The following ELMO2 variants were observed in gnomAD, a reference collection of about 807,000 sequenced individuals.
ELMO2 encodes engulfment and cell motility 2.
Under a neutral mutation model 96.2 loss-of-function variants are expected in ELMO2, and 37 were observed. The observed-to-expected ratio is 0.38, with a 90% CI of 0.30 to 0.51. The LOEUF (loss-of-function observed/expected upper bound fraction) is 0.51, where lower values mean the gene tolerates loss of function less well. Ranked by LOEUF, ELMO2 falls within the 20% of genes least tolerant of loss-of-function variation. ELMO2 has a pLI of 0.88. For synonymous variants in ELMO2, 315 were observed against 329.4 expected, an observed-to-expected ratio of 0.96 and a Z score of 0.47; for missense variants, 561 against 912.6, an observed-to-expected ratio of 0.61 and a Z score of 4.96.
chr20:46,372,995 A>G (rs2145769657), intron 16 of ELMO2: 1 of 162,244 alleles, frequency 6.2e-6, no homozygotes, highest in Non-Finnish European at 1.3e-5. Flanking sequence ...AGGGATAACT[A>G]TCGATTAAGT....
intron 7 of ELMO2, among the ~76,000 whole-genome samples, chr20:46,388,696 C>T (rs2060093812): frequency 6.6e-6 from 1 of 152,116 alleles, no homozygotes; most frequent in African/African-American, 2.4e-5. Flanking sequence ...GGACCATCTG[C>T]TCACTAACCC....
At chr20:46,400,630 T>A (rs975425888) in intron 1 of ELMO2, among the ~76,000 whole-genome samples, 3 of 152,334 alleles carry the variant, frequency 2.0e-5, no homozygotes, top group Non-Finnish European at 4.4e-5. Flanking sequence ...GATATAAGGA[T>A]GATTTGGAAA....
At chr20:46,398,824 T>G (rs538084175) in intron 1 of ELMO2, 53 bp from the exon 2 acceptor site, 1 of 152,250 alleles carries the variant, frequency 6.6e-6, no homozygotes, top group East Asian at 1.9e-4. Flanking sequence ...GAAATAAAAC[T>G]AAATCAACCC....
At position 46,376,798 on chromosome 20, in the gene ELMO2, AC is replaced by A. The variant is rs2059868117; in HGVS notation, c.808-1009del. The A allele has an allele frequency of 3.1e-6, 4 of 1,288,690 alleles. No homozygotes were observed. In the Admixed American group the frequency reaches 9.2e-5, roughly 30 times the overall value. The allele number at this position is 1,288,690 out of a possible 1,614,324, so 79.8% of individuals were successfully genotyped here. A position where few individuals can be genotyped will look rare whatever the true frequency, so the allele number is the denominator to read the frequency against. On this transcript the variant is annotated intron_variant, in intron 11 of 21. Coordinates refer to ENST00000290246, the MANE Select transcript of ELMO2 (RefSeq NM_133171.5). ...CACCACTATGTCCTTCAATTTCCCT[AC>A]TCAGTAGCTCTGTCTCTAGGGCTGT...
At chr20:46,396,228 A>G (rs1325783219) in intron 2 of ELMO2, among the ~76,000 whole-genome samples, 1 of 152,226 alleles carries the variant, frequency 6.6e-6, no homozygotes, top group Non-Finnish European at 1.5e-5. Context: ...AGTTACAGCA[A>G]GACAGGGAGT....
chr20:46,367,820 C>G (rs551056779), intron 21 of ELMO2, among the ~76,000 whole-genome samples: 1 of 152,050 alleles, frequency 6.6e-6, no homozygotes, highest in East Asian at 1.9e-4. Flanking sequence ...TAAACGAATA[C>G]AGCAAAATGA....
chr20:46,393,637 A>G (rs1420442204), intron 4 of ELMO2, 36 bp from the exon 5 acceptor site: 7 of 1,605,706 alleles, frequency 4.4e-6, no homozygotes, highest in Non-Finnish European at 6.0e-6. Context: ...CCACTTGGCC[A>G]CTCTCTTGTT....
intron 3 of ELMO2, 66 bp downstream of exon 3, chr20:46,394,339 T>A (rs1382373629): frequency 6.5e-7 from 1 of 1,544,570 alleles, no homozygotes; most frequent in Non-Finnish European, 8.9e-7. Flanking sequence ...TCCCTCAAGA[T>A]GTCCTCTGCC....
chr20:46,399,398 G>A (rs1296844464), intron 1 of ELMO2, among the ~76,000 whole-genome samples: 3 of 152,152 alleles, frequency 2.0e-5, no homozygotes, highest in South Asian at 2.1e-4. Context: ...CAATTCTTCT[G>A]TACCTTTGCA....
At chr20:46,379,345 C>T (rs890415445) in intron 11 of ELMO2, among the ~76,000 whole-genome samples, 4 of 152,044 alleles carry the variant, frequency 2.6e-5, no homozygotes, top group African/African-American at 7.3e-5. Context: ...CCACTCCCAC[C>T]GGCCCCACCT....
intron 6 of ELMO2, among the ~76,000 whole-genome samples, chr20:46,390,402 A>G (rs1049898182): frequency 1.3e-5 from 2 of 152,186 alleles, no homozygotes; most frequent in African/African-American, 4.8e-5. Context: ...TAGAATCCAT[A>G]TGATTGTTCC....
At chr20:46,392,333 C>A (rs58063120) in intron 6 of ELMO2, among the ~76,000 whole-genome samples, 1,964 of 152,234 alleles carry the variant, frequency 0.013, 32 homozygotes, top group African/African-American at 0.045. Context: ...TATCACCATA[C>A]TCATAAAGCT....
chr20:46,384,724 TG>T (rs2060011812), intron 9 of ELMO2, among the ~76,000 whole-genome samples: 1 of 151,164 alleles, frequency 6.6e-6, no homozygotes, highest in Non-Finnish European at 1.5e-5. Context: ...CTCAGGAGGC[TG>T]GGGTGGGAGG....
chr20:46,396,573 A>G (rs149355235), intron 2 of ELMO2, among the ~76,000 whole-genome samples: 102 of 152,300 alleles, frequency 6.7e-4, no homozygotes, highest in Middle Eastern at 3.4e-3. Context: ...CTGACTTATC[A>G]TCATCCATGA....
chr20:46,403,850 G>T (rs907927184), intron 1 of ELMO2, among the ~76,000 whole-genome samples: 1 of 152,204 alleles, frequency 6.6e-6, no homozygotes, highest in African/African-American at 2.4e-5. Flanking sequence ...TTGGGAGGCT[G>T]AGGTGGGCGG....
intron 9 of ELMO2, 133 bp downstream of exon 9, chr20:46,385,991 A>G: frequency 1.0e-6 from 1 of 953,796 alleles, no homozygotes; most frequent in Non-Finnish European, 1.5e-6. Context: ...GGAGTGTGGA[A>G]GAGGTGATGA....
intron 15 of ELMO2, among the ~76,000 whole-genome samples, chr20:46,374,017 C>T (rs1416947198): frequency 6.7e-6 from 1 of 149,646 alleles, no homozygotes; most frequent in Non-Finnish European, 1.5e-5. Context: ...TAGCCTTGAC[C>T]TCCTGACACA....
intron 9 of ELMO2, among the ~76,000 whole-genome samples, chr20:46,383,791 T>C (rs2059997105): frequency 6.6e-6 from 1 of 152,220 alleles, no homozygotes; most frequent in Non-Finnish European, 1.5e-5. Context: ...CATTTATACA[T>C]ATGAGAATCT....
chr20:46,382,075 T>C, intron 10 of ELMO2: 1 of 782,116 alleles, frequency 1.3e-6, no homozygotes, highest in Non-Finnish European at 1.9e-6. Context: ...CAAAGGAGAT[T>C]CACAGCACAC....
Sources: allele counts gnomAD v4.1 joint callset (sites outside exome capture counted in the v4.1 genomes callset), GRCh38; gene constraint gnomAD v4.1.1; transcripts MANE v1.5; gene names NCBI Gene and HGNC (gene_info 2026-07-23, HGNC 2026-07-21).